The following LEKR1 variants were observed in gnomAD, a reference collection of about 807,000 sequenced individuals.
LEKR1 encodes the protein leucine, glutamate and lysine rich 1, also known as protein LEKR1.
In LEKR1, 59 loss-of-function variants were observed where a neutral mutation model predicts 72.4. The ratio of observed to expected loss-of-function variants is 0.82; its 90% CI spans 0.66 to 1.01. LEKR1 has a LOEUF of 1.01. Ranked by LOEUF, LEKR1 falls within the 50% of genes least tolerant of loss-of-function variation. The probability of loss-of-function intolerance (pLI) is 0.00; values close to 1 mark genes in which losing one functional copy is unlikely to be tolerated. For missense variants in LEKR1, 728 were observed against 759.2 expected, an observed-to-expected ratio of 0.96 and a Z score of 0.48; for synonymous variants, 257 against 263.2, an observed-to-expected ratio of 0.98 and a Z score of 0.23.
chr3:156,864,660 GATC>G (rs1399026733), intron 3 of LEKR1, among the ~76,000 whole-genome samples: 1 of 151,926 alleles, frequency 6.6e-6, no homozygotes, highest in Non-Finnish European at 1.5e-5. Context: ...TTCTAATTCA[GATC>G]ATCATTTATT....
intron 4 of LEKR1, among the ~76,000 whole-genome samples, chr3:156,922,428 G>A (rs1724293591): frequency 6.6e-6 from 1 of 150,962 alleles, no homozygotes; most frequent in African/African-American, 2.4e-5. Context: ...AAAAAAAAAA[G>A]AGTTAAGGGA....
chr3:156,936,510 A>G (rs13067449), intron 5 of LEKR1, among the ~76,000 whole-genome samples: 1,565 of 151,996 alleles, frequency 0.01, 12 homozygotes, highest in Middle Eastern at 0.017. Context: ...TATGTTAGCT[A>G]TAACTATTCT....
chr3:156,888,575 T>C, intron 3 of LEKR1: 2 of 518,288 alleles, frequency 3.9e-6, no homozygotes, highest in Non-Finnish European at 3.5e-6. Flanking sequence ...GAGCTGCTTA[T>C]ATGAAGAAAG....
At chr3:157,043,452 GT>G (rs35621263) in intron 12 of LEKR1, among the ~76,000 whole-genome samples, 103,082 of 145,586 alleles carry the variant, frequency 0.71, 36,566 homozygotes, top group East Asian at 0.93. Flanking sequence ...GTCCTTCTGT[GT>G]TTTTTTTTTT....
chr3:156,931,203 A>G (rs185041063), intron 5 of LEKR1, among the ~76,000 whole-genome samples: 20 of 152,324 alleles, frequency 1.3e-4, no homozygotes, highest in Admixed American at 3.3e-4. Context: ...AGTCAATAAT[A>G]AAAGTATTCA....
chr3:156,946,671 C>T (rs1002116959), intron 6 of LEKR1, among the ~76,000 whole-genome samples: 4 of 151,190 alleles, frequency 2.6e-5, no homozygotes, highest in African/African-American at 4.8e-5. Context: ...TTATATCAAA[C>T]GTTTTTTCAG....
At chr3:156,978,995 C>T (rs930026837) in intron 6 of LEKR1, among the ~76,000 whole-genome samples, 199 bp from the exon 7 acceptor site, 1 of 152,132 alleles carries the variant, frequency 6.6e-6, no homozygotes, top group Non-Finnish European at 1.5e-5. Flanking sequence ...TGTCAAAACC[C>T]ATTAAGTCTG....
At chr3:156,983,299 C>T (rs187194113) in intron 7 of LEKR1, among the ~76,000 whole-genome samples, 5 of 152,104 alleles carry the variant, frequency 3.3e-5, no homozygotes, top group Admixed American at 1.3e-4. Context: ...GGACCTTCCT[C>T]GGAATTAATT....
At chr3:156,987,779 C>T (rs1055222217) in intron 7 of LEKR1, among the ~76,000 whole-genome samples, 1 of 151,910 alleles carries the variant, frequency 6.6e-6, no homozygotes, top group Non-Finnish European at 1.5e-5. Flanking sequence ...GTTTTGTGAG[C>T]CACTATGATT....
chr3:156,850,488 A>G (rs1438279402), intron 2 of LEKR1, among the ~76,000 whole-genome samples: 1 of 152,156 alleles, frequency 6.6e-6, no homozygotes, highest in Non-Finnish European at 1.5e-5. Context: ...GGGGTATAAG[A>G]CAGTGGCTGG....
intron 2 of LEKR1, among the ~76,000 whole-genome samples, chr3:156,852,427 T>C (rs546064184): frequency 6.6e-6 from 1 of 152,342 alleles, no homozygotes; most frequent in South Asian, 2.1e-4. Flanking sequence ...TCCTCCCACT[T>C]CGTGGAAAAT....
chr3:156,929,428 C>A (rs1725004908), intron 5 of LEKR1, among the ~76,000 whole-genome samples: 1 of 152,046 alleles, frequency 6.6e-6, no homozygotes, highest in African/African-American at 2.4e-5. Context: ...ACAGAAAATA[C>A]CATTAACATA....
intron 3 of LEKR1, among the ~76,000 whole-genome samples, chr3:156,875,539 A>G (rs1002804679): frequency 5.3e-5 from 8 of 151,986 alleles, no homozygotes; most frequent in African/African-American, 1.7e-4. Context: ...ATTAAGTCCC[A>G]TCTATTTATC....
rs1251439399 is a variant in LEKR1 at position 156,927,546 on chromosome 3, T to G, written c.501T>G (p.Thr167=). Residue 167 remains threonine, a synonymous_variant, in exon 5 of 13, where the codon ACT becomes ACG. Coordinates refer to ENST00000356539, the MANE Select transcript of LEKR1 (RefSeq NM_001004316.3). ...NEVYDNYQNW[T]SLKGAVFLQI... ...TATATGATAATTACCAAAACTGGAC[T>G]TCATTGAAAGGAGCAGTTTTTCTAC... 1.6e-6 allele frequency: 2 copies of G among 1,239,042 alleles called. No individual in the cohort carries two copies. The highest frequency in any genetic ancestry group is 2.1e-6 in the Non-Finnish European group (2 of 968,628). The allele number at this position is 1,239,042 out of a possible 1,614,324, so 76.8% of individuals were successfully genotyped here. A position where few individuals can be genotyped will look rare whatever the true frequency, so the allele number is the denominator to read the frequency against.
intron 3 of LEKR1, among the ~76,000 whole-genome samples, chr3:156,869,286 T>C (rs575334247): frequency 6.6e-6 from 1 of 152,214 alleles, no homozygotes; most frequent in African/African-American, 2.4e-5. Context: ...CTGTTTTCTA[T>C]AGTGGCTGTA....
intron 6 of LEKR1, among the ~76,000 whole-genome samples, chr3:156,959,985 G>A (rs561932786): frequency 6.6e-6 from 1 of 151,904 alleles, no homozygotes; most frequent in African/African-American, 2.4e-5. Flanking sequence ...TTAATTGAAA[G>A]CATGCTAAGC....
At chr3:156,844,590 A>G in intron 2 of LEKR1, among the ~76,000 whole-genome samples, 1 of 152,126 alleles carries the variant, frequency 6.6e-6, no homozygotes, top group East Asian at 1.9e-4. Flanking sequence ...TATGTCAGGA[A>G]TGTTATATAA....
rs181490871 is a variant in LEKR1 at position 156,898,958 on chromosome 3, C to T, written c.264-21617C>T. 5.5e-4 allele frequency among the ~76,000 whole-genome samples: 83 copies of T among 152,184 alleles called. 1 individual carries two copies. The highest frequency in any genetic ancestry group is 2.1e-3 in the Admixed American group (32 of 15,278). On this transcript the variant is annotated intron_variant, in intron 3 of 12. Transcript: ENST00000356539. The stretch of plus-strand genomic sequence containing the variant: ...ATAAAACATGTTGCATAGAGCCTTT[C>T]GCATAGTTGATGCTGAATCTCTTGT...
intron 6 of LEKR1, among the ~76,000 whole-genome samples, chr3:156,971,671 G>A (rs1310983781): frequency 3.3e-5 from 5 of 152,100 alleles, no homozygotes; most frequent in Non-Finnish European, 7.4e-5. Flanking sequence ...CCATCAAAAA[G>A]TGGGCGAAGG....
Sources: allele counts gnomAD v4.1 joint callset (sites outside exome capture counted in the v4.1 genomes callset), GRCh38; gene constraint gnomAD v4.1.1; transcripts MANE v1.5; gene names NCBI Gene and HGNC (gene_info 2026-07-23, HGNC 2026-07-21).